IFT52: variants seen among roughly 807,000 people sequenced by gnomAD.
IFT52 encodes the protein intraflagellar transport 52, also known as intraflagellar transport protein 52 homolog.
A neutral mutation model predicts 54.4 loss-of-function variants in IFT52; 44 were observed. That is an observed-to-expected ratio of 0.81 (90% CI 0.63 to 1.04). The LOEUF is 1.04. IFT52 is among the 50% of genes least tolerant of loss of function. The probability of loss-of-function intolerance (pLI) is 0.00; values close to 1 mark genes in which losing one functional copy is unlikely to be tolerated. For synonymous variants in IFT52, 181 were observed against 185.3 expected (o/e 0.98, Z 0.19); for missense variants, 452 against 523.6 (o/e 0.86, Z 1.33).
intron 1 of IFT52, among the ~76,000 whole-genome samples, chr20:43,591,341 A>AC (rs541858097): frequency 6.6e-6 from 1 of 151,688 alleles, no homozygotes; most frequent in Non-Finnish European, 1.5e-5. Flanking sequence ...CGTGGCTGCG[A>AC]CCCCTCGGTA....
intron 6 of IFT52, among the ~76,000 whole-genome samples, chr20:43,607,739 CG>C (rs1983062345): frequency 6.6e-6 from 1 of 151,668 alleles, no homozygotes; most frequent in South Asian, 2.1e-4. Flanking sequence ...ACTTCCCAGA[CG>C]GGGTGGCGGC....
rs772036367 is a variant in IFT52 at position 43,642,469 on chromosome 20, A to C, written c.1121-10A>C. 2 of 1,613,092 alleles carry C rather than the reference A, an allele frequency of 1.2e-6. No homozygotes were observed. Among genetic ancestry groups the C allele is most frequent in the South Asian group, 2.2e-5 (2 of 90,950 alleles). ...AAGAATTAATCTAACTACTACTCCA[A>C]CTGTCTTAGGTACTGAAGAAGACCT... is the stretch of plus-strand genomic sequence containing the variant. On this transcript the variant is annotated splice_polypyrimidine_tract_variant and intron_variant, in intron 12 of 13. Coordinates refer to ENST00000373030, the MANE Select transcript of IFT52 (RefSeq NM_016004.5).
In IFT52 at chr20:43,642,642, C is replaced by T. The variant is rs200085583; in HGVS notation, c.1266+18C>T. On this transcript the variant is annotated intron_variant, in intron 13 of 13. Coordinates refer to ENST00000373030, the MANE Select transcript of IFT52 (RefSeq NM_016004.5). ...TGAACCAGGTACAGAGCCTACAAGG[C>T]ACAGTGTAGTGGGAGCCCCTCCAGT... 1.5e-4 allele frequency: 248 copies of T among 1,612,502 alleles called. No individual in the cohort carries two copies. Among genetic ancestry groups the T allele is most frequent in the Non-Finnish European group, 1.6e-4 (192 of 1,179,154 alleles).
In IFT52 at chr20:43,620,871, G is replaced by C. The variant is rs1984247844; in HGVS notation, c.714G>C (p.Gln238His). 1 of 1,608,840 alleles carries C rather than the reference G, an allele frequency of 6.2e-7. No homozygotes were observed. Residue 238 changes from glutamine (Q) to histidine (H), a missense_variant, in exon 9 of 14, where the codon CAG (glutamine) becomes CAC (histidine). Gln to His is a conservative substitution (Grantham distance 24). Transcript: ENST00000373030. ...ENSKIMDVVFQWLTTGDIHLN... is the reference protein window; with the variant it reads ...ENSKIMDVVFHWLTTGDIHLN... The stretch of plus-strand genomic sequence containing the variant: ...TTTTAATTTAGGATGTTGTTTTCCA[G>C]TGGCTCACGACAGGAGACATCCACC...
chr20:43,634,047 C>A (rs1049864622), intron 10 of IFT52, among the ~76,000 whole-genome samples: 1 of 151,682 alleles, frequency 6.6e-6, no homozygotes, highest in Non-Finnish European at 1.5e-5. Context: ...TGCACACTCG[C>A]TCGTAGTCCT....
intron 6 of IFT52, among the ~76,000 whole-genome samples, chr20:43,605,741 A>G (rs1466225706): frequency 6.6e-6 from 1 of 152,230 alleles, no homozygotes; most frequent in Admixed American, 6.5e-5. Flanking sequence ...ATGTTTGTCA[A>G]GCATCGACTG....
chr20:43,601,312 C>T (rs1982422507), intron 3 of IFT52, among the ~76,000 whole-genome samples: 1 of 152,172 alleles, frequency 6.6e-6, no homozygotes, highest in Non-Finnish European at 1.5e-5. Context: ...TGCTGCCACA[C>T]TAACAGTGTG....
In IFT52 at chr20:43,620,837, T is replaced by C; in HGVS notation, c.700-20T>C. The C allele has an allele frequency of 2.0e-6, 3 of 1,494,132 alleles. No individual in the cohort carries two copies. The highest frequency in any genetic ancestry group is 2.7e-6 in the Non-Finnish European group (3 of 1,111,962). The allele number at this position is 1,494,132 out of a possible 1,614,324, so 92.6% of individuals were successfully genotyped here. On this transcript the variant is annotated intron_variant, in intron 8 of 13. Coordinates refer to ENST00000373030, the MANE Select transcript of IFT52 (RefSeq NM_016004.5). Reference sequence around the variant, plus strand: ...CAAATAACCAACTGTCCTAATTATATACTTTTTTTTTTAATTTAGGATGTT... The same window carrying C: ...CAAATAACCAACTGTCCTAATTATACACTTTTTTTTTTAATTTAGGATGTT...
At chr20:43,591,725 C>T (rs1033030819) in intron 1 of IFT52, among the ~76,000 whole-genome samples, 7 of 152,084 alleles carry the variant, frequency 4.6e-5, no homozygotes, top group African/African-American at 1.4e-4. Context: ...GATATTATAA[C>T]ATAAAGGTAT....
chr20:43,625,237 G>A (rs1367399468), intron 10 of IFT52, among the ~76,000 whole-genome samples: 2 of 152,088 alleles, frequency 1.3e-5, no homozygotes, highest in Admixed American at 6.6e-5. Flanking sequence ...CAGGCCAGGC[G>A]TGGTGGCTCA....
chr20:43,604,252 T>G lies in IFT52; in HGVS notation c.407T>G (p.Leu136Trp), dbSNP rs1196692712. 2.5e-6 allele frequency: 4 copies of G among 1,606,478 alleles called. No homozygotes were observed. The Admixed American group carries it at 6.7e-5, about 27-fold the overall frequency. Reference protein sequence around the residue: ...PKEALVSSGVLNREISRAAGK... With the variant: ...PKEALVSSGVWNREISRAAGK... Reference sequence around the variant, plus strand: ...GAAGCTCTAGTTTCCAGTGGAGTCTTGAACAGGTAAGCATGTTGAAAGCAG... The same window carrying G: ...GAAGCTCTAGTTTCCAGTGGAGTCTGGAACAGGTAAGCATGTTGAAAGCAG... The change falls in exon 5 of 14, where the codon TTG (leucine) becomes TGG (tryptophan). Residue 136 changes from leucine to tryptophan, a missense_variant. Leu to Trp is a moderately conservative substitution (Grantham distance 61). Transcript: ENST00000373030.
Position 43,642,932 on chromosome 20 carries a change from T to C in IFT52, c.1266+308T>C, listed in dbSNP as rs186585213. Among the ~76,000 whole-genome samples the C allele has an allele frequency of 5.9e-5, 9 of 151,918 alleles. No individual in the cohort carries two copies. In the East Asian group the frequency reaches 1.6e-3, roughly 26 times the overall value. On this transcript the variant is annotated intron_variant, in intron 13 of 13. Transcript: ENST00000373030. ...CTGTAATCCCAACACTTTGGGAGGC[T>C]GAGGTAGGCAGATCACCCGAGGTCA...
chr20:43,618,844 A>G (rs542169385), intron 7 of IFT52, 96 bp from the exon 8 acceptor site: 2 of 793,928 alleles, frequency 2.5e-6, no homozygotes, highest in East Asian at 5.1e-5. Context: ...AGTATATAAG[A>G]CAGTTGCTAG....
intron 13 of IFT52, among the ~76,000 whole-genome samples, chr20:43,646,654 C>T (rs1013747263): frequency 1.3e-5 from 2 of 152,050 alleles, no homozygotes; most frequent in East Asian, 1.9e-4. Context: ...GACAGACACC[C>T]GAGGCCAATA....
intron 10 of IFT52, among the ~76,000 whole-genome samples, chr20:43,627,145 C>T (rs1237181267): frequency 1.3e-5 from 2 of 149,748 alleles, no homozygotes; most frequent in Non-Finnish European, 3.0e-5. Flanking sequence ...CCAGCCTGGG[C>T]AACAGAGCAA....
intron 9 of IFT52, among the ~76,000 whole-genome samples, chr20:43,621,487 A>C (rs1434852132): frequency 6.6e-6 from 1 of 152,022 alleles, no homozygotes; most frequent in African/African-American, 2.4e-5. Flanking sequence ...TTTGAGATGG[A>C]GTCTCGCTCT....
rs533645506 is a variant in IFT52 at position 43,639,707 on chromosome 20, C to T, written c.1120+2454C>T. Among the ~76,000 whole-genome samples, 213 of 151,916 alleles carry T rather than the reference C, an allele frequency of 1.4e-3. 1 individual carries two copies. Among genetic ancestry groups the T allele is most frequent in the Non-Finnish European group, 2.6e-3 (175 of 67,920 alleles). ...TTTTTTAAGTAGCCAGGTGCGGTGA[C>T]GCATTTCTATATTCCTAGCTACTTG... On this transcript the variant is annotated intron_variant, in intron 12 of 13. Transcript: ENST00000373030.
chr20:43,612,541 A>C (rs1415207598), intron 6 of IFT52, among the ~76,000 whole-genome samples: 1 of 151,972 alleles, frequency 6.6e-6, no homozygotes, highest in Non-Finnish European at 1.5e-5. Context: ...AAAAATATAA[A>C]AATTAGTAGG....
In IFT52 at chr20:43,620,854, T is replaced by A; in HGVS notation, c.700-3T>A. ...TAATTATATACTTTTTTTTTTAATT[T>A]AGGATGTTGTTTTCCAGTGGCTCAC... On this transcript the variant is annotated splice_polypyrimidine_tract_variant and splice_region_variant and intron_variant, in intron 8 of 13. Coordinates refer to ENST00000373030, the MANE Select transcript of IFT52 (RefSeq NM_016004.5). 6.2e-7 allele frequency: 1 copy of A among 1,608,278 alleles called. No individual in the cohort carries two copies. Among genetic ancestry groups the A allele is most frequent in the Non-Finnish European group, 8.5e-7 (1 of 1,176,178 alleles).
Sources: allele counts gnomAD v4.1 joint callset (sites outside exome capture counted in the v4.1 genomes callset), GRCh38; gene constraint gnomAD v4.1.1; transcripts MANE v1.5; gene names NCBI Gene and HGNC (gene_info 2026-07-23, HGNC 2026-07-21).